ZC3H12B: variants seen among roughly 807,000 people sequenced by gnomAD.
ZC3H12B encodes probable ribonuclease ZC3H12B.
ZC3H12B carries 7 observed loss-of-function variants against 43.9 expected under a neutral mutation model. The observed-to-expected ratio is 0.16, with a 90% CI of 0.09 to 0.30. The LOEUF is 0.30. Ranked by LOEUF, ZC3H12B falls within the 10% of genes least tolerant of loss-of-function variation. ZC3H12B has a pLI of 1.00. For missense variants in ZC3H12B, 475 were observed against 670.2 expected, an observed-to-expected ratio of 0.71 and a Z score of 3.22; for synonymous variants, 222 against 241.7, an observed-to-expected ratio of 0.92 and a Z score of 0.76.
At chrX:65,381,874 G>C (rs1388761798) in intron 2 of ZC3H12B, among the ~76,000 whole-genome samples, 1 of 111,431 alleles carries the variant, frequency 9.0e-6, no homozygotes, top group Non-Finnish European at 1.9e-5. Context: ...TAAATTCCTC[G>C]ACACATACAC....
chrX:65,328,609 G>T, the ZC3H12B span: 3 of 156,952 alleles, frequency 1.9e-5, no homozygotes, highest in South Asian at 1.2e-4. Context: ...CCATGTGCAG[G>T]TTTGTTACAT....
chrX:65,440,776 C>T (rs2067291760), intron 3 of ZC3H12B, among the ~76,000 whole-genome samples: 1 of 112,227 alleles, frequency 8.9e-6, no homozygotes, highest in African/African-American at 3.2e-5. Context: ...AGTTAACATT[C>T]TTCATTTACC....
the ZC3H12B span, among the ~76,000 whole-genome samples, chrX:65,249,796 A>ATT: frequency 0.026 from 1,256 of 48,707 alleles, 41 homozygotes; most frequent in Non-Finnish European, 0.039. Flanking sequence ...ATTCCTAAGT[A>ATT]TTTTTTTTTT....
the ZC3H12B span, among the ~76,000 whole-genome samples, chrX:65,235,576 G>C: frequency 4.5e-5 from 5 of 111,098 alleles, no homozygotes; most frequent in East Asian, 5.7e-4. Flanking sequence ...AGTTCAGCTT[G>C]CATCCCAGCC....
the ZC3H12B span, among the ~76,000 whole-genome samples, chrX:65,176,373 G>T: frequency 1.6e-4 from 18 of 111,282 alleles, no homozygotes; most frequent in South Asian, 6.4e-3. Context: ...TCTCTGAAAG[G>T]CAGGAGCCCC....
At chrX:65,200,536 G>T in the ZC3H12B span, among the ~76,000 whole-genome samples, 1 of 102,423 alleles carries the variant, frequency 9.8e-6, no homozygotes, top group Non-Finnish European at 2.0e-5. Context: ...AGGTTCAAGC[G>T]ATTCTCCTAC....
At chrX:65,162,855 G>C in the ZC3H12B span, among the ~76,000 whole-genome samples, 1 of 112,043 alleles carries the variant, frequency 8.9e-6, no homozygotes, top group Non-Finnish European at 1.9e-5. Flanking sequence ...TCTTTTTAGA[G>C]TTTCCAGTTT....
At chrX:65,442,685 C>T (rs778828004) in intron 3 of ZC3H12B, among the ~76,000 whole-genome samples, 26 of 112,108 alleles carry the variant, frequency 2.3e-4, no homozygotes, top group Non-Finnish European at 3.6e-4. Flanking sequence ...AGGAATTATC[C>T]GACTGGAAAC....
chrX:65,283,691 C>T, the ZC3H12B span, among the ~76,000 whole-genome samples: 1 of 111,508 alleles, frequency 9.0e-6, no homozygotes, highest in African/African-American at 3.3e-5. Flanking sequence ...CACTAGATTC[C>T]ACACCCTTTC....
rs1235849994 is a variant in ZC3H12B, at chrX:65,374,273, T to C, written n.295+5275T>C. ...ATATATAGTATAGTAATATATACTA[T>C]ATATATATATATATATATGAAAAGA... On this transcript the variant is annotated intron_variant and non_coding_transcript_variant, in intron 2 of 5. Coordinates refer to the ZC3H12B transcript ENST00000617377. 1.0e-4 allele frequency among the ~76,000 whole-genome samples: 7 copies of C among 70,269 alleles called. No homozygotes were observed. The East Asian group carries it at 2.3e-3, about 23-fold the overall frequency. The allele number at this position is 70,269 out of a possible 115,157, so 61.0% of individuals were successfully genotyped here.
intron 3 of ZC3H12B, among the ~76,000 whole-genome samples, chrX:65,472,968 A>G (rs866059102): frequency 6.6e-5 from 5 of 75,982 alleles, no homozygotes; most frequent in East Asian, 3.6e-4. Flanking sequence ...GTGTATGTGT[A>G]TGTGTGTGTA....
the ZC3H12B span, among the ~76,000 whole-genome samples, chrX:65,159,378 T>C: frequency 8.9e-6 from 1 of 111,961 alleles, no homozygotes; most frequent in South Asian, 3.7e-4. Flanking sequence ...GTTTTCATGG[T>C]ATTGATTCTT....
At chrX:65,282,391 T>C in the ZC3H12B span, among the ~76,000 whole-genome samples, 2 of 111,954 alleles carry the variant, frequency 1.8e-5, no homozygotes, top group Admixed American at 9.4e-5. Flanking sequence ...TTCCGTTATG[T>C]CACTTGAATT....
At chrX:65,205,169 T>C in the ZC3H12B span, among the ~76,000 whole-genome samples, 1 of 112,061 alleles carries the variant, frequency 8.9e-6, no homozygotes, top group Non-Finnish European at 1.9e-5. Context: ...AAATACCAAA[T>C]GTATTTTGAC....
chrX:65,251,111 A>C, the ZC3H12B span, among the ~76,000 whole-genome samples: 1 of 111,784 alleles, frequency 8.9e-6, no homozygotes, highest in Non-Finnish European at 1.9e-5. Flanking sequence ...AATTAATTTT[A>C]GTATAAGGTG....
At chrX:65,471,699 C>T (rs2067916602) in intron 3 of ZC3H12B, among the ~76,000 whole-genome samples, 1 of 110,537 alleles carries the variant, frequency 9.0e-6, no homozygotes, top group Non-Finnish European at 1.9e-5. Flanking sequence ...GATCTGCCCA[C>T]CTTCGCCTCA....
At chrX:65,407,923 A>C (rs775252596) in intron 3 of ZC3H12B, among the ~76,000 whole-genome samples, 1,846 of 113,643 alleles carry the variant, frequency 0.016, 42 homozygotes, top group African/African-American at 0.057. Context: ...GCGGGCGCCG[A>C]GTGGCCGGTA....
chrX:65,248,861 G>C, the ZC3H12B span, among the ~76,000 whole-genome samples: 1 of 111,473 alleles, frequency 9.0e-6, no homozygotes. Flanking sequence ...TATGTTTGTT[G>C]GTCATTTGTA....
chrX:65,349,920 C>T, the ZC3H12B span, among the ~76,000 whole-genome samples: 2 of 111,859 alleles, frequency 1.8e-5, no homozygotes, highest in Non-Finnish European at 3.8e-5. Context: ...TGAAATTCTA[C>T]CAGAGTGACA....
Sources: gnomAD v4.1 joint callset for allele counts (sites outside exome capture counted in the v4.1 genomes callset) on GRCh38, gnomAD v4.1.1 for gene constraint, MANE v1.5 for transcripts, NCBI Gene and HGNC (gene_info 2026-07-23, HGNC 2026-07-21) for gene names.